The following PPP1R14C variants were observed in gnomAD, a reference collection of about 807,000 sequenced individuals.
The protein encoded by PPP1R14C is protein phosphatase 1 regulatory subunit 14C.
PPP1R14C carries 16 observed loss-of-function variants against 20.4 expected under a neutral mutation model. That is an observed-to-expected ratio of 0.78 (90% confidence interval 0.53 to 1.19). PPP1R14C has a LOEUF of 1.19. Ranked by LOEUF, PPP1R14C falls within the 50% of genes most tolerant of loss-of-function variation. The probability of loss-of-function intolerance (pLI) is 0.00; values close to 1 mark genes in which losing one functional copy is unlikely to be tolerated. For synonymous variants in PPP1R14C, 91 were observed against 91.0 expected (o/e 1.00, Z 0.00); for missense variants, 211 against 220.1 (o/e 0.96, Z 0.26).
chr6:150,249,270 G>C lies in PPP1R14C; in HGVS notation c.*450G>C, dbSNP rs183980153. On this transcript the variant is annotated 3_prime_UTR_variant, in exon 4 of 4. Transcript: ENST00000361131. ...CTTGTATATATCTACACACAACTAAGTTAAAATGTTGATGTGAGTTTTATT... is the reference window on the plus strand; with the variant it reads ...CTTGTATATATCTACACACAACTAACTTAAAATGTTGATGTGAGTTTTATT... 2.3e-4 allele frequency: 92 copies of C among 399,158 alleles called. No individual in the cohort carries two copies. The highest frequency in any genetic ancestry group is 8.8e-4 in the Admixed American group (20 of 22,760). 24.7% of individuals were successfully genotyped at this position (399,158 alleles called of 1,614,324 possible).
intron 3 of PPP1R14C, among the ~76,000 whole-genome samples, chr6:150,238,611 A>G (rs1350870736): frequency 6.6e-6 from 1 of 152,264 alleles, no homozygotes; most frequent in Non-Finnish European, 1.5e-5. Flanking sequence ...CTCATGCCAT[A>G]TGTTGGCAGG....
chr6:150,218,169 C>T (rs992042273), intron 3 of PPP1R14C, among the ~76,000 whole-genome samples: 2 of 151,874 alleles, frequency 1.3e-5, no homozygotes, highest in Non-Finnish European at 2.9e-5. Context: ...TTTGGGGGGC[C>T]GAGACGGGTG....
chr6:150,213,547 C>A (rs1385667376), intron 1 of PPP1R14C, among the ~76,000 whole-genome samples: 1 of 152,244 alleles, frequency 6.6e-6, no homozygotes, highest in East Asian at 1.9e-4. Flanking sequence ...GTACACCTTT[C>A]TCTCTAGCTC....
intron 1 of PPP1R14C, among the ~76,000 whole-genome samples, chr6:150,183,785 C>T (rs1777647813): frequency 1.3e-5 from 2 of 152,200 alleles, no homozygotes; most frequent in Admixed American, 6.5e-5. Flanking sequence ...GGATTACAGG[C>T]GTGAGCCACC....
At chr6:150,188,687 C>G (rs992170222) in intron 1 of PPP1R14C, among the ~76,000 whole-genome samples, 2 of 150,864 alleles carry the variant, frequency 1.3e-5, no homozygotes, top group African/African-American at 2.4e-5. Context: ...AGGGTTTCAC[C>G]ATGTTAGCCA....
At chr6:150,195,985 C>T (rs923580650) in intron 1 of PPP1R14C, 6 of 985,294 alleles carry the variant, frequency 6.1e-6, no homozygotes, top group African/African-American at 1.7e-5. Context: ...GCAGCTTGGT[C>T]GCTGTCTGGG....
chr6:150,147,080 C>A (rs895941544), intron 1 of PPP1R14C, among the ~76,000 whole-genome samples: 2 of 150,512 alleles, frequency 1.3e-5, no homozygotes, highest in African/African-American at 4.9e-5. Flanking sequence ...AACCATTAGA[C>A]TAAATCTACA....
At position 150,143,297 on chromosome 6, in the gene PPP1R14C, C is replaced by G; in HGVS notation, c.105C>G (p.Gly35=). 6.4e-7 allele frequency: 1 copy of G among 1,565,418 alleles called. No homozygotes were observed. The highest frequency in any genetic ancestry group is 1.9e-5 in the Admixed American group (1 of 53,810). Residue 35 remains glycine, a synonymous_variant, in exon 1 of 4, where the codon GGC becomes GGG. Coordinates refer to ENST00000361131, the MANE Select transcript of PPP1R14C (RefSeq NM_030949.3). This position sits in a 1 kb window ranked among gnomAD's most constrained non-coding sequence, Gnocchi z 5.6. ...SPRGGAGGSP[G]SSSGSGSSRE... ...GGGGTGGCGCCGGTGGCAGCCCCGG[C>G]TCCAGCAGCGGCTCAGGCTCCTCCC...
intron 1 of PPP1R14C, among the ~76,000 whole-genome samples, chr6:150,187,179 C>G (rs1777686693): frequency 6.6e-6 from 1 of 151,354 alleles, no homozygotes; most frequent in African/African-American, 2.4e-5. Context: ...TTTCATTCAC[C>G]ATGTTGGCCA....
At chr6:150,177,707 C>T (rs1464642760) in intron 1 of PPP1R14C, among the ~76,000 whole-genome samples, 3 of 152,210 alleles carry the variant, frequency 2.0e-5, no homozygotes, top group East Asian at 1.9e-4. Context: ...TTGTCCTTCT[C>T]GGAGACCAGT....
In PPP1R14C at chr6:150,223,353, T is replaced by TGGGTAAA. The variant is rs559071561; in HGVS notation, c.423+6498_423+6504dup. Among the ~76,000 whole-genome samples, 26 of 152,354 alleles carry TGGGTAAA rather than the reference T, an allele frequency of 1.7e-4. No homozygotes were observed. The East Asian group carries it at 3.9e-3, about 23-fold the overall frequency. Reference sequence around the variant, plus strand: ...TGTGAACATAAGTTCTCAAGTCTTTTGGGTAAATACCAAGGAGTAGGATTA... The same window carrying TGGGTAAA: ...TGTGAACATAAGTTCTCAAGTCTTTTGGGTAAAGGGTAAATACCAAGGAGTAGGATTA... On this transcript the variant is annotated intron_variant, in intron 3 of 3. Transcript: ENST00000361131.
chr6:150,200,733 G>T (rs1215945318), intron 1 of PPP1R14C, among the ~76,000 whole-genome samples: 1 of 152,198 alleles, frequency 6.6e-6, no homozygotes, highest in Non-Finnish European at 1.5e-5. Context: ...CTCCAGAAAT[G>T]GCTAGTTACT....
intron 1 of PPP1R14C, among the ~76,000 whole-genome samples, chr6:150,177,198 G>A (rs1393479237): frequency 2.0e-5 from 3 of 152,216 alleles, no homozygotes. Context: ...CCTGCACCGT[G>A]TGGCCATTTG....
chr6:150,143,485 T>C lies in PPP1R14C; in HGVS notation c.293T>C (p.Leu98Pro). Residue 98 changes from leucine (L) to proline (P), a missense_variant, in exon 1 of 4, where the codon CTC becomes CCC. Coordinates refer to ENST00000361131, the MANE Select transcript of PPP1R14C (RefSeq NM_030949.3). The surrounding 1 kb of genome is among the most constrained non-coding windows in gnomAD (Gnocchi z 5.6). ...EEWIVEQLGQ[L>P]YGCEEEEMPE... ...TGGATCGTGGAGCAGCTGGGTCAGC[T>C]CTACGGCTGCGAGGTACCTGGGCGC... The C allele has an allele frequency of 2.5e-6, 4 of 1,593,074 alleles. No homozygotes were observed. The highest frequency in any genetic ancestry group is 1.4e-5 in the African/African-American group (1 of 73,902).
intron 3 of PPP1R14C, among the ~76,000 whole-genome samples, chr6:150,225,062 G>T (rs905188540): frequency 6.6e-6 from 1 of 151,824 alleles, no homozygotes; most frequent in Non-Finnish European, 1.5e-5. Flanking sequence ...CTTCCCCCAG[G>T]TCACTCAGGC....
chr6:150,210,658 T>C (rs1330421002), intron 1 of PPP1R14C, among the ~76,000 whole-genome samples: 1 of 152,212 alleles, frequency 6.6e-6, no homozygotes, highest in Non-Finnish European at 1.5e-5. Context: ...TTTTAAGAAG[T>C]TGACGGACAG....
chr6:150,195,870 A>C (rs989872206), intron 1 of PPP1R14C: 2 of 985,258 alleles, frequency 2.0e-6, no homozygotes, highest in Non-Finnish European at 2.4e-6. Flanking sequence ...GCCAGAGGAC[A>C]GGAAACTCCC....
chr6:150,206,432 G>A (rs1161366719), intron 1 of PPP1R14C, among the ~76,000 whole-genome samples: 1 of 152,140 alleles, frequency 6.6e-6, no homozygotes, highest in African/African-American at 2.4e-5. Context: ...GGTGCTGCAG[G>A]GGTTTGCCTG....
intron 3 of PPP1R14C, among the ~76,000 whole-genome samples, chr6:150,218,461 C>A (rs1778125014): frequency 1.4e-5 from 2 of 138,224 alleles, no homozygotes; most frequent in East Asian, 2.2e-4. Flanking sequence ...TAATGTAATA[C>A]TAATACATCT....
Sources: gnomAD v4.1 joint callset for allele counts (sites outside exome capture counted in the v4.1 genomes callset) on GRCh38, gnomAD v4.1.1 for gene constraint, Gnocchi (gnomAD v3.1) non-coding constraint, MANE v1.5 for transcripts, NCBI Gene and HGNC (gene_info 2026-07-23, HGNC 2026-07-21) for gene names.